Variants in TOGARAM2 observed in about 807,000 individuals in gnomAD.
TOGARAM2 encodes TOG array regulator of axonemal microtubules protein 2.
A neutral mutation model predicts 93.3 loss-of-function variants in TOGARAM2; 85 were observed. That is an observed-to-expected ratio of 0.91 (90% confidence interval 0.76 to 1.09). The LOEUF is 1.09. Among genes scored for constraint, TOGARAM2 ranks in the 50% least tolerant of loss-of-function variants. The probability of loss-of-function intolerance (pLI) is 0.00; values close to 1 mark genes in which losing one functional copy is unlikely to be tolerated. For synonymous variants in TOGARAM2, 593 were observed against 552.8 expected, an observed-to-expected ratio of 1.07 and a Z score of -1.02; for missense variants, 1,277 against 1,334.5, an observed-to-expected ratio of 0.96 and a Z score of 0.67.
chr2:28,964,343 C>T (rs1382098823), intron 1 of TOGARAM2, among the ~76,000 whole-genome samples: 1 of 152,008 alleles, frequency 6.6e-6, no homozygotes, highest in Admixed American at 6.6e-5. Context: ...TCTACTTTGT[C>T]TAATGTAGCC....
intron 19 of TOGARAM2, chr2:29,048,673 C>T (rs1248072554): frequency 6.9e-6 from 1 of 144,050 alleles, no homozygotes; most frequent in Non-Finnish European, 1.5e-5. Flanking sequence ...GTCAGAATTT[C>T]CTTCCTTTTT....
chr2:29,011,522 C>T (rs1193011626), intron 7 of TOGARAM2, 21 bp downstream of exon 7: 7 of 1,593,190 alleles, frequency 4.4e-6, no homozygotes, highest in East Asian at 2.3e-5. Flanking sequence ...TCCATGCACA[C>T]CTCCCTTTGT....
At chr2:28,993,148 G>A (rs1431919445) in intron 1 of TOGARAM2, among the ~76,000 whole-genome samples, 1 of 152,168 alleles carries the variant, frequency 6.6e-6, no homozygotes, top group Non-Finnish European at 1.5e-5. Flanking sequence ...GCTGGAGGTG[G>A]GGCGTGGAAA....
intron 7 of TOGARAM2, among the ~76,000 whole-genome samples, chr2:29,013,475 C>G (rs147555640): frequency 0.012 from 1,809 of 152,278 alleles, 18 homozygotes; most frequent in Middle Eastern, 0.024. Context: ...AGTCCAAGTT[C>G]GAAAGCCTCA....
chr2:28,968,002 A>G (rs918296580), intron 1 of TOGARAM2, among the ~76,000 whole-genome samples: 1 of 151,876 alleles, frequency 6.6e-6, no homozygotes, highest in South Asian at 2.1e-4. Context: ...TGTTTTTAGT[A>G]GAGACAGGGT....
At chr2:28,970,967 C>A (rs868319322) in intron 1 of TOGARAM2, 1 of 152,256 alleles carries the variant, frequency 6.6e-6, no homozygotes, top group African/African-American at 2.4e-5. Context: ...TGGCTCATCT[C>A]CTTGAGGAGG....
chr2:29,025,475 T>C (rs1019886673), intron 13 of TOGARAM2, among the ~76,000 whole-genome samples: 5 of 151,966 alleles, frequency 3.3e-5, no homozygotes, highest in African/African-American at 1.2e-4. Context: ...ATGAGGTAGA[T>C]GTGAGATAAT....
intron 10 of TOGARAM2, among the ~76,000 whole-genome samples, chr2:29,020,057 C>G (rs921619485): frequency 6.6e-6 from 1 of 152,226 alleles, no homozygotes; most frequent in East Asian, 1.9e-4. Flanking sequence ...GTTTTTATCC[C>G]TAATGCAGTC....
At position 29,003,556 on chromosome 2, in the gene TOGARAM2, T is replaced by C; in HGVS notation, c.704T>C (p.Ile235Thr). ...DEKMQKSLGA[I>T]VIPPIPKART... ...AAGATGCAGAAGTCCCTGGGCGCCA[T>C]CGTGATCCCACCCATCCCAAAGGCC... Residue 235 changes from isoleucine to threonine, a missense_variant, in exon 6 of 20, where the codon ATC becomes ACC. Transcript: ENST00000379558. The C allele has an allele frequency of 6.3e-7, 1 of 1,594,978 alleles. No individual in the cohort carries two copies. Among genetic ancestry groups the C allele is most frequent in the Non-Finnish European group, 8.5e-7 (1 of 1,171,702 alleles).
chr2:29,006,155 G>A (rs551351495), intron 6 of TOGARAM2, among the ~76,000 whole-genome samples: 8 of 139,384 alleles, frequency 5.7e-5, no homozygotes, highest in African/African-American at 2.1e-4. Context: ...ATGTGCGTAA[G>A]TACATGTGTG....
chr2:29,026,857 C>A lies in TOGARAM2; in HGVS notation c.1858C>A (p.Arg620=), dbSNP rs201189267. The change falls in exon 14 of 20, where the codon CGG becomes AGG. Residue 620 remains arginine, a synonymous_variant. Transcript: ENST00000379558. ...VVLTSAGVYH[R]NPLIRKYAAE... The stretch of plus-strand genomic sequence containing the variant: ...TGGGCCATGATTTCCTTTCAGCCAC[C>A]GGAACCCCTTGATCCGGAAATACGC... The A allele has an allele frequency of 4.4e-6, 7 of 1,586,362 alleles. No homozygotes were observed. In the South Asian group the frequency reaches 8.1e-5, roughly 18 times the overall value.
intron 2 of TOGARAM2, among the ~76,000 whole-genome samples, chr2:28,997,413 T>C (rs564934518): frequency 1.2e-4 from 18 of 152,324 alleles, no homozygotes; most frequent in African/African-American, 4.3e-4. Context: ...TGTCCCCATC[T>C]CTGGCCGGGC....
intron 14 of TOGARAM2, among the ~76,000 whole-genome samples, chr2:29,029,264 TACACACACACAC>T (rs146395549): frequency 1.0e-4 from 15 of 147,988 alleles, no homozygotes; most frequent in African/African-American, 3.0e-4. Flanking sequence ...TATGTGTGTA[TACACACACACAC>T]ACACACACAC....
intron 18 of TOGARAM2, among the ~76,000 whole-genome samples, chr2:29,045,001 TCTACCTAC>T (rs1300246704): frequency 6.6e-6 from 1 of 152,232 alleles, no homozygotes; most frequent in East Asian, 1.9e-4. Context: ...CTGTCATCTA[TCTACCTAC>T]CTACCTACCT....
upstream of TOGARAM2, among the ~76,000 whole-genome samples, chr2:28,980,980 C>G (rs886659948): frequency 6.6e-6 from 1 of 152,206 alleles, no homozygotes; most frequent in Non-Finnish European, 1.5e-5. Context: ...CTCACTCTGT[C>G]TTTCTGCCTC....
At chr2:29,015,597 A>G (rs1006058316) in intron 8 of TOGARAM2, among the ~76,000 whole-genome samples, 2 of 152,222 alleles carry the variant, frequency 1.3e-5, no homozygotes, top group Non-Finnish European at 2.9e-5. Flanking sequence ...TCCACTCCTG[A>G]CAGGCATTAG....
At chr2:28,994,487 A>G (rs538003017) in intron 1 of TOGARAM2, among the ~76,000 whole-genome samples, 2 of 152,232 alleles carry the variant, frequency 1.3e-5, no homozygotes, top group East Asian at 3.9e-4. Flanking sequence ...GTGACAAGGG[A>G]TGGCAGGTTG....
intron 3 of TOGARAM2, 50 bp from the exon 4 acceptor site, chr2:28,999,131 G>A: frequency 6.5e-7 from 1 of 1,531,980 alleles, no homozygotes; most frequent in Non-Finnish European, 8.8e-7. Flanking sequence ...GGTGCCTGGT[G>A]CCACCCTGGG....
intron 11 of TOGARAM2, 91 bp downstream of exon 11, chr2:29,022,399 C>T (rs1665013561): frequency 2.0e-6 from 3 of 1,525,294 alleles, no homozygotes; most frequent in Admixed American, 4.0e-5. Context: ...CCTCCTCTCC[C>T]ACTCTGGGGT....
Sources: allele counts gnomAD v4.1 joint callset (sites outside exome capture counted in the v4.1 genomes callset), GRCh38; gene constraint gnomAD v4.1.1; transcripts MANE v1.5; gene names NCBI Gene and HGNC (gene_info 2026-07-23, HGNC 2026-07-21).